Variants in CD3G observed in about 807,000 individuals in gnomAD.
CD3G encodes CD3 gamma subunit of T-cell receptor complex, also known as T-cell surface glycoprotein CD3 gamma chain.
In CD3G, 24 loss-of-function variants were observed where a neutral mutation model predicts 28.3. The ratio of observed to expected loss-of-function variants is 0.85; its 90% CI spans 0.61 to 1.19. The LOEUF is 1.19. Ranked by LOEUF, CD3G falls within the 50% of genes most tolerant of loss-of-function variation. The probability of loss-of-function intolerance (pLI) is 0.00; values close to 1 mark genes in which losing one functional copy is unlikely to be tolerated. For missense variants in CD3G, 211 were observed against 210.0 expected (o/e 1.00, Z -0.03); for synonymous variants, 71 against 75.9 (o/e 0.93, Z 0.34).
At chr11:118,346,858 G>T (rs920470468) in intron 1 of CD3G, among the ~76,000 whole-genome samples, 1 of 150,938 alleles carries the variant, frequency 6.6e-6, no homozygotes, top group African/African-American at 2.4e-5. Flanking sequence ...AATGATCAGT[G>T]CAATCTCCTT....
intron 1 of CD3G, among the ~76,000 whole-genome samples, chr11:118,348,497 A>C (rs1449842212): frequency 1.3e-5 from 2 of 152,078 alleles, no homozygotes; most frequent in East Asian, 1.9e-4. Context: ...CGCCCCCAGC[A>C]CTCTCCCACA....
intron 1 of CD3G, among the ~76,000 whole-genome samples, chr11:118,346,439 A>G (rs1453422853): frequency 6.6e-6 from 1 of 152,030 alleles, no homozygotes; most frequent in Non-Finnish European, 1.5e-5. Context: ...TCCGTCTCAA[A>G]AAACAAAACA....
In CD3G at chr11:118,350,779, T is replaced by A. The variant is rs1481766004; in HGVS notation, c.439+96T>A. The A allele has an allele frequency of 1.9e-6, 3 of 1,604,284 alleles. No individual in the cohort carries two copies. The African/African-American group carries it at 4.0e-5, about 22-fold the overall frequency. ...CCAATGGAAGAGACTGAGTTGGTGC[T>A]TCTTGCTAGTGTGCATAGTTGGGTG... On this transcript the variant is annotated intron_variant, in intron 4 of 6. Coordinates refer to ENST00000532917, the MANE Select transcript of CD3G (RefSeq NM_000073.3).
chr11:118,349,208 C>T lies in CD3G; in HGVS notation c.79+158C>T, dbSNP rs897961370. On this transcript the variant is annotated intron_variant, in intron 2 of 6. Coordinates refer to ENST00000532917, the MANE Select transcript of CD3G (RefSeq NM_000073.3). ...ATTGTCAACCAAATCAGTGACCTGA[C>T]ATAACCTGTTCCGGGCAGCTTGCCT... The T allele has an allele frequency of 3.8e-6, 6 of 1,585,408 alleles. No individual in the cohort carries two copies. In the African/African-American group the frequency reaches 4.0e-5, roughly 11 times the overall value.
At position 118,344,359 on chromosome 11, in the gene CD3G, C is replaced by G. The variant is rs893001013; in HGVS notation, c.-65C>G. 2 of 1,394,540 alleles carry G rather than the reference C, an allele frequency of 1.4e-6. No individual in the cohort carries two copies. Among genetic ancestry groups the G allele is most frequent in the Non-Finnish European group, 2.0e-6 (2 of 1,013,658 alleles). The allele number at this position is 1,394,540 out of a possible 1,614,324, so 86.4% of individuals were successfully genotyped here. A position where few individuals can be genotyped will look rare whatever the true frequency, so the allele number is the denominator to read the frequency against. ...GGGTGGAGCCAGTCTAGCTGCTGCA[C>G]AGGCTGGCTGGCTGGCTGGCTGCTA... is the stretch of plus-strand genomic sequence containing the variant. On this transcript the variant is annotated 5_prime_UTR_variant, in exon 1 of 7. Transcript: ENST00000532917.
chr11:118,350,241 G>C, intron 3 of CD3G: 2 of 571,090 alleles, frequency 3.5e-6, no homozygotes, highest in South Asian at 2.0e-5. Context: ...AGGGGTTGGG[G>C]AGACAGAGGT....
In CD3G at chr11:118,351,423, C is replaced by T. The variant is rs535717815; in HGVS notation, c.440-205C>T. ...CTTCTAACAACAAGGATTAACTTTG[C>T]TTGTTTTTGTCCTTTATGTAAATGG... On this transcript the variant is annotated intron_variant, in intron 4 of 6. Coordinates refer to ENST00000532917, the MANE Select transcript of CD3G (RefSeq NM_000073.3). Among the ~76,000 whole-genome samples the T allele has an allele frequency of 5.9e-5, 9 of 152,198 alleles. No homozygotes were observed. The South Asian group carries it at 1.9e-3, about 32-fold the overall frequency.
intron 1 of CD3G, among the ~76,000 whole-genome samples, chr11:118,345,719 G>A (rs55943772): frequency 0.02 from 3,066 of 152,212 alleles, 102 homozygotes; most frequent in African/African-American, 0.07. Flanking sequence ...GGAAGGCAAC[G>A]TTACCCTCTA....
intron 1 of CD3G, among the ~76,000 whole-genome samples, chr11:118,347,237 A>C (rs1948365078): frequency 6.6e-6 from 1 of 152,140 alleles, no homozygotes; most frequent in Admixed American, 6.5e-5. Flanking sequence ...ACTCAGAATG[A>C]CTTTCTCTAT....
intron 2 of CD3G, 193 bp downstream of exon 2, chr11:118,349,243 C>T: frequency 6.6e-7 from 1 of 1,512,872 alleles, no homozygotes. Flanking sequence ...TGTAGCTAAG[C>T]ATTTAACTGG....
At position 118,350,285 on chromosome 11, in the gene CD3G, G is replaced by A. The variant is rs183150770; in HGVS notation, c.308-267G>A. On this transcript the variant is annotated intron_variant, in intron 3 of 6. Transcript: ENST00000532917. ...GGTGAGCAGCAGTGAGAACTGGAGC[G>A]CAGTGGAGCATGAAGAGTATCTAGT... 49 of 571,696 alleles carry A rather than the reference G, an allele frequency of 8.6e-5. 1 individual carries two copies. The highest frequency in any genetic ancestry group is 8.4e-4 in the Admixed American group (28 of 33,350). 35.4% of individuals were successfully genotyped at this position (571,696 alleles called of 1,614,324 possible).
At chr11:118,352,005 G>A (rs1948414033) in intron 5 of CD3G, among the ~76,000 whole-genome samples, 5 of 152,210 alleles carry the variant, frequency 3.3e-5, no homozygotes, top group Non-Finnish European at 5.9e-5. Flanking sequence ...CTGAGGTCAG[G>A]AATTCGAGAC....
rs1390501261 is a variant in CD3G, at chr11:118,353,619, C to T, written c.*519C>T. Reference sequence around the variant, plus strand: ...CATCTCGGCTCACTGCAACCTCTGCCTCCTGGGTTCAAGCGATTCTCCTGC... The same window carrying T: ...CATCTCGGCTCACTGCAACCTCTGCTTCCTGGGTTCAAGCGATTCTCCTGC... On this transcript the variant is annotated 3_prime_UTR_variant, in exon 7 of 7. Transcript: ENST00000532917. 6.7e-6 allele frequency: 1 copy of T among 149,896 alleles called. No homozygotes were observed. The highest frequency in any genetic ancestry group is 1.5e-5 in the Non-Finnish European group (1 of 67,968). The allele number at this position is 149,896 out of a possible 1,614,324, so 9.3% of individuals were successfully genotyped here. A position where few individuals can be genotyped will look rare whatever the true frequency, so the allele number is the denominator to read the frequency against.
intron 6 of CD3G, 29 bp downstream of exon 6, chr11:118,352,516 A>G: frequency 6.8e-7 from 1 of 1,472,688 alleles, no homozygotes; most frequent in Non-Finnish European, 9.5e-7. Context: ...ATTCTAATAA[A>G]GGACCCTTGC....
rs545061848 is a variant in CD3G at position 118,347,076 on chromosome 11, G to A, written c.56-1951G>A. 6.6e-5 allele frequency among the ~76,000 whole-genome samples: 10 copies of A among 152,058 alleles called. No homozygotes were observed. The South Asian group carries it at 1.7e-3, about 25-fold the overall frequency. On this transcript the variant is annotated intron_variant, in intron 1 of 6. Transcript: ENST00000532917. Reference sequence around the variant, plus strand: ...CTGGATACTGTTCAAAAATAATCCCGCCCTGCATGAGGTTCTAAGACAGTT... The same window carrying A: ...CTGGATACTGTTCAAAAATAATCCCACCCTGCATGAGGTTCTAAGACAGTT...
At position 118,349,947 on chromosome 11, in the gene CD3G, A is replaced by G; in HGVS notation, c.284A>G (p.Lys95Arg). ...TGTAAAGGATCACAGAACAAGTCAA[A>G]ACCACTCCAAGTGTATTACAGAAGT... ...YQCKGSQNKS[K>R]PLQVYYRMCQ... The change falls in exon 3 of 7, where the codon AAA becomes AGA. Residue 95 changes from lysine (K) to arginine (R), a missense_variant. Transcript: ENST00000532917. 1 of 1,613,570 alleles carries G rather than the reference A, an allele frequency of 6.2e-7. No individual in the cohort carries two copies. Among genetic ancestry groups the G allele is most frequent in the Non-Finnish European group, 8.5e-7 (1 of 1,179,568 alleles).
In CD3G at chr11:118,349,866, A is replaced by T. The variant is rs752190298; in HGVS notation, c.203A>T (p.Asp68Val). The part of the protein sequence containing the change: ...DGKMIGFLTE[D>V]KKKWNLGSNA... Reference sequence around the variant, plus strand: ...AAGATGATCGGCTTCCTAACTGAAGATAAAAAAAAATGGAATCTGGGAAGT... The same window carrying T: ...AAGATGATCGGCTTCCTAACTGAAGTTAAAAAAAAATGGAATCTGGGAAGT... Residue 68 changes from aspartate to valine, a missense_variant, in exon 3 of 7, where the codon GAT (aspartate) becomes GTT (valine). By Grantham distance (152) the Asp-to-Val change is radical. Transcript: ENST00000532917. 3.1e-6 allele frequency: 5 copies of T among 1,613,956 alleles called. No individual in the cohort carries two copies. The highest frequency in any genetic ancestry group is 4.2e-6 in the Non-Finnish European group (5 of 1,179,944).
At chr11:118,351,550 T>G in intron 4 of CD3G, 78 bp from the exon 5 acceptor site, 1 of 1,305,662 alleles carries the variant, frequency 7.7e-7, no homozygotes, top group Admixed American at 1.7e-5. Context: ...TTATTGTTAT[T>G]TAGTATTCCA....
At chr11:118,344,526 A>C in intron 1 of CD3G, 48 bp downstream of exon 1, 2 of 1,421,986 alleles carry the variant, frequency 1.4e-6, no homozygotes. Context: ...GCTCAAGGGA[A>C]GAGCCCATCA....
Sources: allele counts gnomAD v4.1 joint callset (sites outside exome capture counted in the v4.1 genomes callset), GRCh38; gene constraint gnomAD v4.1.1; transcripts MANE v1.5; gene names NCBI Gene and HGNC (gene_info 2026-07-23, HGNC 2026-07-21).